DDX59: variants seen among roughly 807,000 people sequenced by gnomAD.
DDX59 encodes the protein probable ATP-dependent RNA helicase DDX59.
Under a neutral mutation model 51.9 loss-of-function variants are expected in DDX59, and 30 were observed. The ratio of observed to expected loss-of-function variants is 0.58; its 90% CI spans 0.43 to 0.78. The LOEUF is 0.78. Ranked by LOEUF, DDX59 falls within the 30% of genes least tolerant of loss-of-function variation. The probability of loss-of-function intolerance (pLI) is 0.00; values close to 1 mark genes in which losing one functional copy is unlikely to be tolerated. For missense variants in DDX59, 672 were observed against 730.8 expected, an observed-to-expected ratio of 0.92 and a Z score of 0.93; for synonymous variants, 255 against 253.3, an observed-to-expected ratio of 1.01 and a Z score of -0.06.
At chr1:200,663,680 T>C (rs569718503) in intron 3 of DDX59, among the ~76,000 whole-genome samples, 1 of 151,814 alleles carries the variant, frequency 6.6e-6, no homozygotes, top group African/African-American at 2.4e-5. Context: ...TTAAATGAGA[T>C]AATGCATGTC....
Position 200,659,056 on chromosome 1 carries a change from A to G in DDX59, c.1033T>C (p.Cys345Arg), listed in dbSNP as rs763747506. 1 of 1,613,608 alleles carries G rather than the reference A, an allele frequency of 6.2e-7. No individual in the cohort carries two copies. The highest frequency in any genetic ancestry group is 8.5e-7 in the Non-Finnish European group (1 of 1,179,786). Residue 345 changes from cysteine to arginine, a missense_variant, in exon 4 of 8, where the codon TGT becomes CGT. By Grantham distance (180) the Cys-to-Arg change is radical (BLOSUM62 -3). Transcript: ENST00000331314. ...DIIKQSSVELCGVKIVVVDEA... is the reference protein window; with the variant it reads ...DIIKQSSVELRGVKIVVVDEA... ...TCTACTACCACAATCTTTACACCAC[A>G]GAGTTCTACAGAGCTCTGCTTTATT...
intron 7 of DDX59, among the ~76,000 whole-genome samples, chr1:200,647,637 A>G (rs566769222): frequency 4.6e-5 from 7 of 151,140 alleles, no homozygotes; most frequent in Non-Finnish European, 1.0e-4. Flanking sequence ...TTTTATACAT[A>G]CTTACCTTTC....
chr1:200,644,711 G>A (rs1056500934), intron 7 of DDX59, among the ~76,000 whole-genome samples, 194 bp from the exon 8 acceptor site: 2 of 151,934 alleles, frequency 1.3e-5, no homozygotes, highest in African/African-American at 2.4e-5. Flanking sequence ...CCTGGCCAAC[G>A]TGGCAAAATC....
chr1:200,642,582 C>A (rs6695836), downstream of DDX59, among the ~76,000 whole-genome samples: 2 of 152,006 alleles, frequency 1.3e-5, no homozygotes, highest in African/African-American at 4.8e-5. Flanking sequence ...ACATGTGAGA[C>A]AAGGAAGTTG....
intron 1 of DDX59, among the ~76,000 whole-genome samples, chr1:200,668,194 G>C (rs1301358839): frequency 6.6e-6 from 1 of 152,084 alleles, no homozygotes; most frequent in Non-Finnish European, 1.5e-5. Context: ...TGTAGTCCCA[G>C]CTACTCGGGA....
chr1:200,648,662 A>G, intron 6 of DDX59, 95 bp from the exon 7 acceptor site: 1 of 1,377,422 alleles, frequency 7.3e-7, no homozygotes, highest in Non-Finnish European at 9.8e-7. Flanking sequence ...GCTTACTTCA[A>G]TATTTTTATT....
intron 5 of DDX59, among the ~76,000 whole-genome samples, chr1:200,649,746 CA>C (rs1213466911): frequency 6.6e-6 from 1 of 151,942 alleles, no homozygotes; most frequent in Non-Finnish European, 1.5e-5. Flanking sequence ...AATTTTCCAT[CA>C]CTTAATACTC....
chr1:200,641,062 G>C (rs1410292251), downstream of DDX59: 3 of 743,662 alleles, frequency 4.0e-6, no homozygotes, highest in Non-Finnish European at 4.1e-6. Flanking sequence ...GGCAACAAAA[G>C]AGTCCTATCT....
At position 200,659,075 on chromosome 1, in the gene DDX59, CTT is replaced by C; in HGVS notation, c.1012_1013del (p.Lys338AlafsTer16). 1 of 1,613,810 alleles carries C rather than the reference CTT, an allele frequency of 6.2e-7. No individual in the cohort carries two copies. ...CACCACAGAGTTCTACAGAGCTCTG[CTT>C]TATTATATCCAGAAGTCGCCCAGGG... is the stretch of plus-strand genomic sequence containing the variant. The part of the protein sequence containing the change: ...ATPGRLLDII[K>X]QSSVELCGVK... On this transcript the variant is annotated frameshift_variant, in exon 4 of 8. Coordinates refer to ENST00000331314, the MANE Select transcript of DDX59 (RefSeq NM_001031725.6). LOFTEE classifies it high-confidence loss of function.
At chr1:200,669,416 T>G (rs1424080712) in intron 1 of DDX59, 1 of 152,172 alleles carries the variant, frequency 6.6e-6, no homozygotes, top group Non-Finnish European at 1.5e-5. Context: ...AGTCTTCCAA[T>G]GGCGAAAGGG....
chr1:200,667,779 A>C (rs1237202654), intron 1 of DDX59, among the ~76,000 whole-genome samples: 1 of 152,106 alleles, frequency 6.6e-6, no homozygotes, highest in Non-Finnish European at 1.5e-5. Context: ...TAATCTTCAC[A>C]ACCATGTAAA....
At position 200,650,599 on chromosome 1, in the gene DDX59, G is replaced by A. The variant is rs746329013; in HGVS notation, c.1140C>T (p.Thr380=). ...ILENIPNDCQ[T]ILVSATIPTS... ...TTGGAATTGTGGCTGAAACCAAAAT[G>A]GTCTGACAATCATTAGGAATGTTTT... The change falls in exon 5 of 8, where the codon ACC becomes ACT. Residue 380 remains threonine, a synonymous_variant. Transcript: ENST00000331314. 1.2e-6 allele frequency: 2 copies of A among 1,613,890 alleles called. No homozygotes were observed. The highest frequency in any genetic ancestry group is 3.3e-5 in the Admixed American group (2 of 60,002).
Position 200,665,978 on chromosome 1 carries a change from CTG to C in DDX59, c.761_762del (p.Thr254SerfsTer38). The C allele has an allele frequency of 6.2e-7, 1 of 1,611,978 alleles. No homozygotes were observed. Among genetic ancestry groups the C allele is most frequent in the South Asian group, 1.1e-5 (1 of 90,526 alleles). ...LASADTGSGK[T>X]AAFLLPVIMR... ...ATGATAACAGGAAGAAGAAAAGCAG[CTG>C]TTTTTCCTGAGCCAGTATCTGCACT... is the stretch of plus-strand genomic sequence containing the variant. On this transcript the variant is annotated frameshift_variant, in exon 2 of 8. Transcript: ENST00000331314. LOFTEE classifies it high-confidence loss of function.
chr1:200,661,086 A>G (rs1025632848), intron 3 of DDX59, among the ~76,000 whole-genome samples: 1 of 152,194 alleles, frequency 6.6e-6, no homozygotes, highest in Non-Finnish European at 1.5e-5. Flanking sequence ...TGGGGCAGGG[A>G]AAGAAAAATG....
chr1:200,648,570 T>C lies in DDX59; in HGVS notation c.1468-3A>G. The C allele has an allele frequency of 6.2e-7, 1 of 1,602,014 alleles. No individual in the cohort carries two copies. The highest frequency in any genetic ancestry group is 8.5e-7 in the Non-Finnish European group (1 of 1,175,984). ...TCATAGTCTCCTTCAAGTAATCCCT[T>C]TCCAAAAAAGCAACAAAATTTATTA... On this transcript the variant is annotated splice_region_variant and splice_polypyrimidine_tract_variant and intron_variant, in intron 6 of 7. Coordinates refer to ENST00000331314, the MANE Select transcript of DDX59 (RefSeq NM_001031725.6).
Position 200,649,203 on chromosome 1 carries a change from T to C in DDX59, c.1338A>G (p.Pro446=), listed in dbSNP as rs576911947. 1.6e-5 allele frequency: 25 copies of C among 1,578,720 alleles called. 1 individual carries two copies. The South Asian group carries it at 2.3e-4, about 14-fold the overall frequency. The change falls in exon 6 of 8, where the codon CCA becomes CCG. Residue 446 remains proline (P), a synonymous_variant. Coordinates refer to ENST00000331314, the MANE Select transcript of DDX59 (RefSeq NM_001031725.6). ...GTTTGCAGTCCACAAATACTAACAC[T>C]GGAGGCTTAAAGAGTTTCTTATCCT... ...ILNDKKLFKP[P]VLVFVDCKLG...
At chr1:200,665,070 TAA>T in intron 2 of DDX59, among the ~76,000 whole-genome samples, 1 of 152,246 alleles carries the variant, frequency 6.6e-6, no homozygotes, top group East Asian at 1.9e-4. Context: ...AAATGTTTGT[TAA>T]ACTATTTGTG....
intron 5 of DDX59, among the ~76,000 whole-genome samples, chr1:200,649,624 G>A (rs558734483): frequency 1.3e-4 from 4 of 30,646 alleles, no homozygotes; most frequent in East Asian, 1.1e-3. Context: ...GTGAGATTCC[G>A]TCACAAAAAA....
chr1:200,668,820 C>T (rs1662958514), intron 1 of DDX59, among the ~76,000 whole-genome samples: 1 of 152,228 alleles, frequency 6.6e-6, no homozygotes, highest in Non-Finnish European at 1.5e-5. Context: ...AAAACTTGGT[C>T]TCCACAATCC....
Sources: gnomAD v4.1 joint callset for allele counts (sites outside exome capture counted in the v4.1 genomes callset) on GRCh38, gnomAD v4.1.1 for gene constraint, MANE v1.5 for transcripts, NCBI Gene and HGNC (gene_info 2026-07-23, HGNC 2026-07-21) for gene names.